The following TEX9 variants were observed in gnomAD, a reference collection of about 807,000 sequenced individuals.
TEX9 encodes testis-expressed protein 9.
TEX9 carries 74 observed loss-of-function variants against 59.6 expected under a neutral mutation model. The ratio of observed to expected loss-of-function variants is 1.24; its 90% CI spans 1.03 to 1.51. The LOEUF (loss-of-function observed/expected upper bound fraction) is 1.51, where lower values mean the gene tolerates loss of function less well. Among genes scored for constraint, TEX9 ranks in the 40% most tolerant of loss-of-function variants. TEX9 has a pLI of 0.00. For missense variants in TEX9, 522 were observed against 447.8 expected, an observed-to-expected ratio of 1.17 and a Z score of -1.49; for synonymous variants, 186 against 152.2, an observed-to-expected ratio of 1.22 and a Z score of -1.64.
At chr15:56,278,165 A>G (rs377111567) in intron 1 of TEX9, among the ~76,000 whole-genome samples, 3 of 152,168 alleles carry the variant, frequency 2.0e-5, no homozygotes, top group Non-Finnish European at 4.4e-5. Flanking sequence ...ATCTCCTTGT[A>G]TGATAAACAT....
At chr15:56,312,291 G>A (rs2045640730) in intron 1 of TEX9, among the ~76,000 whole-genome samples, 1 of 138,382 alleles carries the variant, frequency 7.2e-6, no homozygotes, top group Non-Finnish European at 1.6e-5. Flanking sequence ...TAACGTTTAA[G>A]TCTTTAATCC....
At chr15:56,249,457 GGGAGGGAGGGAAGAAA>G (rs2043955534) in intron 1 of TEX9, among the ~76,000 whole-genome samples, 1 of 151,538 alleles carries the variant, frequency 6.6e-6, no homozygotes, top group East Asian at 1.9e-4. Flanking sequence ...GAGAGAGGGA[GGGAGGGAGGGAAGAAA>G]GGAGGGAGGG....
At chr15:56,401,765 A>G (rs982930562) in intron 9 of TEX9, among the ~76,000 whole-genome samples, 2 of 152,242 alleles carry the variant, frequency 1.3e-5, no homozygotes, top group Middle Eastern at 3.2e-3. Context: ...AAAGAACAGA[A>G]ATCACAACAA....
At chr15:56,390,312 A>G (rs1433663537) in intron 6 of TEX9, among the ~76,000 whole-genome samples, 1 of 152,032 alleles carries the variant, frequency 6.6e-6, no homozygotes, top group African/African-American at 2.4e-5. Flanking sequence ...ACGATAGCCA[A>G]TAATAACTTA....
At chr15:56,404,974 C>T (rs780175713) in intron 9 of TEX9, among the ~76,000 whole-genome samples, 1 of 151,998 alleles carries the variant, frequency 6.6e-6, no homozygotes, top group African/African-American at 2.4e-5. Flanking sequence ...CACACCAGGG[C>T]CTGTCTGGCG....
chr15:56,356,243 T>C (rs1282908767), intron 1 of TEX9, among the ~76,000 whole-genome samples: 4 of 152,162 alleles, frequency 2.6e-5, no homozygotes, highest in Non-Finnish European at 5.9e-5. Flanking sequence ...TTTTTAATCA[T>C]TAAATAATGT....
At chr15:56,339,401 A>AAACAAAC (rs1555434472) in intron 1 of TEX9, among the ~76,000 whole-genome samples, 37,284 of 124,160 alleles carry the variant, frequency 0.3, 8,248 homozygotes, top group Non-Finnish European at 0.42. Flanking sequence ...AAAAAAAAAA[A>AAACAAAC]AAAAAAAAAA....
intron 10 of TEX9, among the ~76,000 whole-genome samples, chr15:56,416,003 C>T (rs1233511500): frequency 6.6e-6 from 1 of 151,630 alleles, no homozygotes; most frequent in Non-Finnish European, 1.5e-5. Context: ...GATGGGATTG[C>T]TTTTCTGATT....
At chr15:56,365,754 T>C in intron 2 of TEX9, 84 bp downstream of exon 2, 1 of 1,565,738 alleles carries the variant, frequency 6.4e-7, no homozygotes, top group Non-Finnish European at 8.6e-7. Flanking sequence ...GGAGACTGGC[T>C]GGATCTTCGG....
At chr15:56,443,482 C>T (rs776055702) in intron 12 of TEX9, 20 of 1,599,350 alleles carry the variant, frequency 1.3e-5, no homozygotes, top group Non-Finnish European at 1.4e-5. Flanking sequence ...TAATTCTTGT[C>T]GCACTTGTTC....
At chr15:56,346,685 A>G (rs1219706605) in intron 1 of TEX9, among the ~76,000 whole-genome samples, 1 of 152,044 alleles carries the variant, frequency 6.6e-6, no homozygotes, top group Non-Finnish European at 1.5e-5. Context: ...AACCAACCCC[A>G]CCCATTCTAT....
intron 1 of TEX9, among the ~76,000 whole-genome samples, chr15:56,309,703 T>G (rs1273773687): frequency 7.7e-6 from 1 of 129,448 alleles, no homozygotes; most frequent in Middle Eastern, 3.3e-3. Context: ...GTTTTTTTTT[T>G]TTTTTTTTTT....
At chr15:56,299,452 C>G (rs2045290876) in intron 1 of TEX9, among the ~76,000 whole-genome samples, 1 of 152,172 alleles carries the variant, frequency 6.6e-6, no homozygotes, top group African/African-American at 2.4e-5. Flanking sequence ...GAAAAGCAGT[C>G]TAGGCCACAA....
At chr15:56,452,065 A>G in the TEX9 span, among the ~76,000 whole-genome samples, 1 of 152,184 alleles carries the variant, frequency 6.6e-6, no homozygotes, top group African/African-American at 2.4e-5. Context: ...ACAAGCTTAT[A>G]TCTTCTTTCT....
intron 3 of TEX9, among the ~76,000 whole-genome samples, chr15:56,376,010 G>A (rs2047430873): frequency 6.8e-6 from 1 of 146,986 alleles, no homozygotes; most frequent in Non-Finnish European, 1.5e-5. Context: ...TCATAGGTGG[G>A]AATTGAACGA....
intron 12 of TEX9, chr15:56,443,796 G>T: frequency 6.2e-7 from 1 of 1,612,452 alleles, no homozygotes; most frequent in Non-Finnish European, 8.5e-7. Flanking sequence ...TGCTCTTTCT[G>T]AAACTCTTCT....
chr15:56,289,461 C>G (rs2045033649), intron 1 of TEX9, among the ~76,000 whole-genome samples: 1 of 152,088 alleles, frequency 6.6e-6, no homozygotes, highest in Non-Finnish European at 1.5e-5. Context: ...ATTGAGGGTT[C>G]CAGATGTGTA....
chr15:56,446,690 T>C (rs145551259), downstream of TEX9: 531 of 598,328 alleles, frequency 8.9e-4, 4 homozygotes, highest in African/African-American at 9.1e-3. Context: ...TCACGCAGGA[T>C]TTTCTACATC....
chr15:56,413,297 TATTTA>T (rs1243918380), intron 10 of TEX9, among the ~76,000 whole-genome samples: 3 of 73,368 alleles, frequency 4.1e-5, no homozygotes, highest in East Asian at 5.6e-4. Flanking sequence ...AATAATAAAT[TATTTA>T]ATTTAATAAT....
Sources: allele counts gnomAD v4.1 joint callset (sites outside exome capture counted in the v4.1 genomes callset), GRCh38; gene constraint gnomAD v4.1.1; transcripts MANE v1.5; gene names NCBI Gene and HGNC (gene_info 2026-07-23, HGNC 2026-07-21).